Variants in TKTL1 observed in about 807,000 individuals in gnomAD.
The protein encoded by TKTL1 is transketolase like 1.
Under a neutral mutation model 39.3 loss-of-function variants are expected in TKTL1, and 1 was observed. The ratio of observed to expected loss-of-function variants is 0.03; its 90% CI spans 0.01 to 0.12. TKTL1 has a LOEUF of 0.12. Among genes scored for constraint, TKTL1 ranks in the 10% least tolerant of loss-of-function variants. TKTL1 has a pLI of 1.00. For synonymous variants in TKTL1, 262 were observed against 193.8 expected, an observed-to-expected ratio of 1.35 and a Z score of -2.92; for missense variants, 575 against 509.6, an observed-to-expected ratio of 1.13 and a Z score of -1.24.
intron 7 of TKTL1, among the ~76,000 whole-genome samples, chrX:154,316,452 C>G (rs2067400893): frequency 9.0e-6 from 1 of 111,510 alleles, no homozygotes; most frequent in African/African-American, 3.3e-5. Context: ...GCAGTCCCAG[C>G]TACTCGGGAC....
At chrX:154,318,182 C>G (rs1424934515) in intron 7 of TKTL1, among the ~76,000 whole-genome samples, 1 of 111,191 alleles carries the variant, frequency 9.0e-6, no homozygotes, top group African/African-American at 3.3e-5. Flanking sequence ...GGTCCTCTGG[C>G]CTCGGCCTCT....
intron 1 of TKTL1, among the ~76,000 whole-genome samples, chrX:154,298,842 A>G (rs947690477): frequency 9.1e-6 from 1 of 109,723 alleles, no homozygotes; most frequent in Non-Finnish European, 1.9e-5. Context: ...TTGAAGGGTT[A>G]TTTATTTATT....
rs374663819 is a variant in TKTL1 at position 154,329,679 on chromosome X, G to A, written c.1782G>A (p.Leu594=). 35 of 1,208,671 alleles carry A rather than the reference G, an allele frequency of 2.9e-5. No homozygotes were observed. The African/African-American group carries it at 6.1e-4, about 21-fold the overall frequency. ...RHIIVAVKCM[L]LN Reference sequence around the variant, plus strand: ...TCATAGTGGCCGTGAAATGCATGTTGCTGAACTAAAATAGCTGTTAGCTTT... The same window carrying A: ...TCATAGTGGCCGTGAAATGCATGTTACTGAACTAAAATAGCTGTTAGCTTT... The change falls in exon 13 of 13, where the codon TTG becomes TTA. Residue 594 remains leucine, a synonymous_variant. Coordinates refer to ENST00000369915, the MANE Select transcript of TKTL1 (RefSeq NM_012253.4).
intron 7 of TKTL1, 59 bp downstream of exon 7, chrX:154,315,396 GC>G: frequency 9.4e-7 from 1 of 1,064,655 alleles, no homozygotes; most frequent in Non-Finnish European, 1.3e-6. Flanking sequence ...GACACAGGAG[GC>G]CCAGCCTGTG....
In TKTL1 at chrX:154,320,746, C is replaced by G. The variant is rs1486184927; in HGVS notation, c.1030-11C>G. ...CCAGGGATGTTCTGATTCATGTTCT[C>G]TGTGCTGCAGGTGAGCGTGGCTCTG... On this transcript the variant is annotated splice_polypyrimidine_tract_variant and intron_variant, in intron 7 of 12. Coordinates refer to ENST00000369915, the MANE Select transcript of TKTL1 (RefSeq NM_012253.4). 4 of 1,210,670 alleles carry G rather than the reference C, an allele frequency of 3.3e-6. No individual in the cohort carries two copies. The East Asian group carries it at 8.9e-5, about 27-fold the overall frequency.
At chrX:154,326,192 G>A in intron 10 of TKTL1, among the ~76,000 whole-genome samples, 1 of 111,550 alleles carries the variant, frequency 9.0e-6, no homozygotes, top group Non-Finnish European at 1.9e-5. Context: ...CAGCTTGTGA[G>A]TACCAAGACC....
intron 3 of TKTL1, among the ~76,000 whole-genome samples, chrX:154,310,559 C>T (rs113605310): frequency 0.087 from 9,798 of 112,231 alleles, 1,002 homozygotes; most frequent in African/African-American, 0.29. Flanking sequence ...GCCCTGTTTG[C>T]TTATTGATAA....
chrX:154,321,779 C>G (rs1296056215), intron 8 of TKTL1, among the ~76,000 whole-genome samples: 1 of 106,823 alleles, frequency 9.4e-6, no homozygotes, highest in Non-Finnish European at 1.9e-5. Flanking sequence ...ATCTCAGGGA[C>G]TCCCTGGGAG....
intron 10 of TKTL1, among the ~76,000 whole-genome samples, chrX:154,326,569 G>C (rs1379486632): frequency 8.9e-6 from 1 of 112,421 alleles, no homozygotes; most frequent in East Asian, 2.8e-4. Flanking sequence ...CCATAAAGCA[G>C]GTGTTTCCAG....
intron 9 of TKTL1, 74 bp downstream of exon 9, chrX:154,323,411 C>T (rs2067467847): frequency 3.7e-6 from 4 of 1,077,204 alleles, no homozygotes; most frequent in South Asian, 4.2e-5. Context: ...GATGATTGGA[C>T]TTTTTTTTCT....
rs191005258 is a variant in TKTL1 at position 154,310,186 on chromosome X, G to A, written c.351-650G>A. ...AACTAGCAGGTGGCGGCGGGAGGCG[G>A]TGGCTCACGCCTGTAATCCCAGCAC... On this transcript the variant is annotated intron_variant, in intron 3 of 12. Transcript: ENST00000369915. Among the ~76,000 whole-genome samples the A allele has an allele frequency of 2.3e-4, 26 of 111,581 alleles. No homozygotes were observed. In the East Asian group the frequency reaches 7.2e-3, roughly 31 times the overall value.
intron 9 of TKTL1, among the ~76,000 whole-genome samples, chrX:154,324,690 G>A (rs1283898980): frequency 9.0e-6 from 1 of 111,627 alleles, no homozygotes; most frequent in Non-Finnish European, 1.9e-5. Context: ...GCTGAACTTA[G>A]GATGTATGCA....
In TKTL1 at chrX:154,329,761, C is replaced by A. The variant is rs1349499836; in HGVS notation, c.*73C>A. On this transcript the variant is annotated 3_prime_UTR_variant, in exon 13 of 13. Coordinates refer to ENST00000369915, the MANE Select transcript of TKTL1 (RefSeq NM_012253.4). ...TTTGTTCCAAAACCATCATTTAAAT[C>A]TCTACTGTCACATTTTGTTTCTTAA... The A allele has an allele frequency of 2.7e-6, 3 of 1,103,942 alleles. No homozygotes were observed. The highest frequency in any genetic ancestry group is 4.8e-5 in the Admixed American group (2 of 41,675). The allele number at this position is 1,103,942 out of a possible 1,213,427, so 91.0% of individuals were successfully genotyped here.
At chrX:154,329,033 C>T (rs1409147225) in intron 12 of TKTL1, among the ~76,000 whole-genome samples, 1 of 112,439 alleles carries the variant, frequency 8.9e-6, no homozygotes, top group Non-Finnish European at 1.9e-5. Flanking sequence ...GTCCTGTTGG[C>T]ACCCTCTGCC....
chrX:154,301,751 C>G (rs1361012026), intron 1 of TKTL1, among the ~76,000 whole-genome samples: 4 of 101,113 alleles, frequency 4.0e-5, no homozygotes, highest in African/African-American at 1.5e-4. Flanking sequence ...TCCCCATTTT[C>G]TTTCTTTTTT....
chrX:154,321,544 G>T (rs2067451156), intron 8 of TKTL1, among the ~76,000 whole-genome samples: 1 of 107,355 alleles, frequency 9.3e-6, no homozygotes, highest in South Asian at 4.1e-4. Flanking sequence ...GAAGAAAGAG[G>T]TGAGTGTGCC....
intron 9 of TKTL1, among the ~76,000 whole-genome samples, chrX:154,324,580 G>T (rs782721597): frequency 8.0e-5 from 9 of 112,064 alleles, no homozygotes; most frequent in Middle Eastern, 4.7e-3. Context: ...GCTTCATAGT[G>T]GGGGGAGACT....
chrX:154,312,947 T>A (rs186102477), intron 6 of TKTL1, among the ~76,000 whole-genome samples, 174 bp downstream of exon 6: 4 of 112,064 alleles, frequency 3.6e-5, no homozygotes, highest in East Asian at 2.8e-4. Context: ...TTGCCATTTT[T>A]AAAAAATACA....
rs782342823 is a variant in TKTL1 at position 154,320,815 on chromosome X, T to G, written c.1088T>G (p.Phe363Cys). The G allele has an allele frequency of 2.1e-5, 26 of 1,211,302 alleles. No homozygotes were observed. The highest frequency in any genetic ancestry group is 2.8e-5 in the Non-Finnish European group (25 of 895,096). The change falls in exon 8 of 13, where the codon TTT becomes TGT. Residue 363 changes from phenylalanine to cysteine, a missense_variant. Coordinates refer to ENST00000369915, the MANE Select transcript of TKTL1 (RefSeq NM_012253.4). ...CGGACCATTGCTTTTGCTAGCACCT[T>G]TGCTGCCTTTCTGACTCGAGCATTT... is the stretch of plus-strand genomic sequence containing the variant. ...RGRTIAFAST[F>C]AAFLTRAFDH...
Sources: allele counts gnomAD v4.1 joint callset (sites outside exome capture counted in the v4.1 genomes callset), GRCh38; gene constraint gnomAD v4.1.1; transcripts MANE v1.5; gene names NCBI Gene and HGNC (gene_info 2026-07-23, HGNC 2026-07-21).